ADAMTS12: variants seen among roughly 807,000 people sequenced by gnomAD.
ADAMTS12 encodes A disintegrin and metalloproteinase with thrombospondin motifs 12.
ADAMTS12 carries 118 observed loss-of-function variants against 167.8 expected under a neutral mutation model. That is an observed-to-expected ratio of 0.70 (90% CI 0.61 to 0.82). The LOEUF (loss-of-function observed/expected upper bound fraction) is 0.82, where lower values mean the gene tolerates loss of function less well. ADAMTS12 is among the 40% of genes least tolerant of loss of function. The probability of loss-of-function intolerance (pLI) is 0.00; values close to 1 mark genes in which losing one functional copy is unlikely to be tolerated. For synonymous variants in ADAMTS12, 704 were observed against 716.9 expected, an observed-to-expected ratio of 0.98 and a Z score of 0.29; for missense variants, 1,916 against 1,998.8, an observed-to-expected ratio of 0.96 and a Z score of 0.79.
At chr5:33,816,189 GA>G (rs34074708) in intron 2 of ADAMTS12, among the ~76,000 whole-genome samples, 68,899 of 151,872 alleles carry the variant, frequency 0.45, 16,012 homozygotes, top group African/African-American at 0.49. Context: ...TATTATAAAT[GA>G]AACAGTTTAT....
At chr5:33,556,066 A>G (rs1372975833) in intron 20 of ADAMTS12, among the ~76,000 whole-genome samples, 2 of 152,242 alleles carry the variant, frequency 1.3e-5, no homozygotes, top group African/African-American at 4.8e-5. Flanking sequence ...ACGTTTGTCC[A>G]GGGCCTTGTT....
intron 21 of ADAMTS12, among the ~76,000 whole-genome samples, chr5:33,547,309 C>T (rs574275975): frequency 6.6e-6 from 1 of 152,174 alleles, no homozygotes; most frequent in South Asian, 2.1e-4. Flanking sequence ...AAATTTCAGG[C>T]CCCACCTCAG....
intron 22 of ADAMTS12, among the ~76,000 whole-genome samples, chr5:33,537,311 A>G (rs1744466505): frequency 6.6e-6 from 1 of 152,250 alleles, no homozygotes; most frequent in African/African-American, 2.4e-5. Flanking sequence ...ACCTTGAAGT[A>G]TGGTTTCCTT....
At chr5:33,534,685 T>C in intron 23 of ADAMTS12, 148 bp downstream of exon 23, 5 of 1,026,016 alleles carry the variant, frequency 4.9e-6, no homozygotes, top group Non-Finnish European at 6.8e-6. Context: ...CCAGATCAGA[T>C]AGTTTGTTCC....
chr5:33,758,496 A>G (rs1373723179), intron 2 of ADAMTS12, among the ~76,000 whole-genome samples: 1 of 152,230 alleles, frequency 6.6e-6, no homozygotes, highest in East Asian at 1.9e-4. Flanking sequence ...TGTTCTCAGA[A>G]AAACAACAGC....
chr5:33,865,939 A>G (rs1193784079), intron 2 of ADAMTS12, among the ~76,000 whole-genome samples: 2 of 152,296 alleles, frequency 1.3e-5, no homozygotes, highest in Admixed American at 6.5e-5. Context: ...ACTATAAAAC[A>G]CTGCTGAAAG....
chr5:33,533,458 C>T (rs1466708391), intron 23 of ADAMTS12, among the ~76,000 whole-genome samples: 28 of 152,138 alleles, frequency 1.8e-4, no homozygotes, highest in Non-Finnish European at 1.6e-4. Context: ...AATGAAGATT[C>T]TAATTAGGTA....
chr5:33,636,830 G>A (rs1172987924), intron 12 of ADAMTS12, among the ~76,000 whole-genome samples: 3 of 152,112 alleles, frequency 2.0e-5, no homozygotes, highest in African/African-American at 4.8e-5. Flanking sequence ...TCTAGCTAAC[G>A]GTCATTGATT....
At chr5:33,782,274 C>T (rs537823610) in intron 2 of ADAMTS12, among the ~76,000 whole-genome samples, 1 of 151,542 alleles carries the variant, frequency 6.6e-6, no homozygotes, top group East Asian at 1.9e-4. Flanking sequence ...TACTACCGAA[C>T]AACCAAAAAG....
intron 17 of ADAMTS12, among the ~76,000 whole-genome samples, chr5:33,589,208 C>T (rs1231004779): frequency 1.3e-5 from 2 of 152,014 alleles, no homozygotes; most frequent in African/African-American, 4.8e-5. Flanking sequence ...AATGAAAGAC[C>T]AATTCATGTA....
intron 1 of ADAMTS12, 181 bp downstream of exon 1, chr5:33,891,549 T>C (rs1414048829): frequency 5.0e-6 from 4 of 803,782 alleles, no homozygotes; most frequent in African/African-American, 1.7e-5. Context: ...CTCATCACCT[T>C]AAGCACTGAA....
At chr5:33,881,734 G>GTTTTTT (rs11295558) in intron 1 of ADAMTS12, among the ~76,000 whole-genome samples, 1 of 120,186 alleles carries the variant, frequency 8.3e-6, no homozygotes, top group Non-Finnish European at 1.8e-5. Context: ...GGCTAATTTT[G>GTTTTTT]TTTTTTTTTT....
At chr5:33,534,047 A>G (rs923816455) in intron 23 of ADAMTS12, among the ~76,000 whole-genome samples, 11 of 152,180 alleles carry the variant, frequency 7.2e-5, no homozygotes, top group Admixed American at 3.3e-4. Context: ...ATGAAGCCCA[A>G]ACAATCAGTG....
chr5:33,812,076 A>G (rs537387305), intron 2 of ADAMTS12, among the ~76,000 whole-genome samples: 12 of 152,312 alleles, frequency 7.9e-5, no homozygotes, highest in African/African-American at 2.4e-4. Flanking sequence ...GCTTGAGCCC[A>G]GGAGTTTGAG....
chr5:33,613,057 T>C (rs1027171984), intron 16 of ADAMTS12, among the ~76,000 whole-genome samples: 1 of 152,152 alleles, frequency 6.6e-6, no homozygotes, highest in Non-Finnish European at 1.5e-5. Flanking sequence ...AGAGACCTGG[T>C]ATGTGAGAGG....
intron 2 of ADAMTS12, 91 bp from the exon 3 acceptor site, chr5:33,751,639 T>A: frequency 7.8e-7 from 1 of 1,285,726 alleles, no homozygotes; most frequent in Non-Finnish European, 1.1e-6. Context: ...TATGAGTATC[T>A]CTGAAACTCC....
At chr5:33,582,986 A>G (rs866363180) in intron 18 of ADAMTS12, among the ~76,000 whole-genome samples, 2 of 152,228 alleles carry the variant, frequency 1.3e-5, no homozygotes, top group Non-Finnish European at 2.9e-5. Flanking sequence ...TCGAGTTACA[A>G]ACAATCTAAT....
chr5:33,778,203 C>A (rs1371991495), intron 2 of ADAMTS12, among the ~76,000 whole-genome samples: 2 of 152,062 alleles, frequency 1.3e-5, no homozygotes, highest in African/African-American at 2.4e-5. Flanking sequence ...AGAAGACCCC[C>A]TCATAGTCAA....
chr5:33,870,261 G>T (rs759360591), intron 2 of ADAMTS12, among the ~76,000 whole-genome samples: 3 of 152,158 alleles, frequency 2.0e-5, no homozygotes. Flanking sequence ...TTATGAAGAT[G>T]ATGGGATTAA....
Sources: allele counts gnomAD v4.1 joint callset (sites outside exome capture counted in the v4.1 genomes callset), GRCh38; gene constraint gnomAD v4.1.1; transcripts MANE v1.5; gene names NCBI Gene and HGNC (gene_info 2026-07-23, HGNC 2026-07-21).